The following ZBBX variants were observed in gnomAD, a reference collection of about 807,000 sequenced individuals.
ZBBX encodes the protein zinc finger B-box domain containing, also known as zinc finger B-box domain-containing protein 1.
A neutral mutation model predicts 108.5 loss-of-function variants in ZBBX; 101 were observed. The ratio of observed to expected loss-of-function variants is 0.93; its 90% CI spans 0.79 to 1.10. The LOEUF (loss-of-function observed/expected upper bound fraction) is 1.10. Ranked by LOEUF, ZBBX falls within the 50% of genes least tolerant of loss-of-function variation. The pLI is 0.00. For synonymous variants in ZBBX, 356 were observed against 323.4 expected, an observed-to-expected ratio of 1.10 and a Z score of -1.08; for missense variants, 1,009 against 941.4, an observed-to-expected ratio of 1.07 and a Z score of -0.94.
the ZBBX span, among the ~76,000 whole-genome samples, chr3:167,189,614 A>C: frequency 6.6e-6 from 1 of 152,152 alleles, no homozygotes; most frequent in Non-Finnish European, 1.5e-5. Context: ...CTTCATACAG[A>C]CGTATACATT....
chr3:167,389,518 G>A lies in ZBBX; in HGVS notation c.-445-9113C>T, dbSNP rs984854785. On this transcript the variant is annotated intron_variant, in intron 1 of 21. Transcript: ENST00000455345. ...CAGTAATGGGATTGCTGGGTCAAAC[G>A]GTATTTCTGATTCTAGATCCTTGAG... is the stretch of plus-strand genomic sequence containing the variant. Among the ~76,000 whole-genome samples, 6 of 152,044 alleles carry A rather than the reference G, an allele frequency of 3.9e-5. No individual in the cohort carries two copies. The East Asian group carries it at 5.8e-4, about 15-fold the overall frequency.
the ZBBX span, among the ~76,000 whole-genome samples, chr3:167,205,527 G>A: frequency 1.3e-5 from 2 of 152,110 alleles, no homozygotes; most frequent in African/African-American, 4.8e-5. Context: ...TGACTTTATA[G>A]AATTACTGAA....
rs1234466711 is a variant in ZBBX, at chr3:167,341,206, G to C, written c.529-7221C>G. Among the ~76,000 whole-genome samples the C allele has an allele frequency of 2.0e-5, 3 of 151,688 alleles. No individual in the cohort carries two copies. The East Asian group carries it at 5.8e-4, about 29-fold the overall frequency. ...TATTATTATTCCTCCTTGACCCATA[G>C]AGTGGCAAAAAAAGCAAAGACCTGG... On this transcript the variant is annotated intron_variant, in intron 9 of 21. Transcript: ENST00000675490.
the ZBBX span, among the ~76,000 whole-genome samples, chr3:167,200,556 C>T: frequency 1.3e-5 from 2 of 152,174 alleles, no homozygotes; most frequent in Admixed American, 6.6e-5. Flanking sequence ...ACTGCATACG[C>T]ATCTGGATCA....
intron 1 of ZBBX, among the ~76,000 whole-genome samples, chr3:167,393,210 T>C (rs1748130908): frequency 6.6e-6 from 1 of 151,818 alleles, no homozygotes; most frequent in African/African-American, 2.4e-5. Flanking sequence ...ACCAGTGAAA[T>C]TTGAGTGACA....
At chr3:167,280,616 G>A (rs1264692735) in intron 20 of ZBBX, among the ~76,000 whole-genome samples, 1 of 150,960 alleles carries the variant, frequency 6.6e-6, no homozygotes, top group Non-Finnish European at 1.5e-5. Context: ...AGGTGCTAGA[G>A]AGGATGTGGA....
At chr3:167,366,159 C>T (rs970617879) in intron 5 of ZBBX, among the ~76,000 whole-genome samples, 183 bp from the exon 6 acceptor site, 3 of 151,710 alleles carry the variant, frequency 2.0e-5, no homozygotes, top group African/African-American at 7.2e-5. Context: ...TAAAATGTAG[C>T]TTTATCATAT....
intron 16 of ZBBX, 136 bp from the exon 17 acceptor site, chr3:167,306,086 T>C: frequency 1.6e-6 from 1 of 639,014 alleles, no homozygotes; most frequent in Non-Finnish European, 2.5e-6. Flanking sequence ...ACTGATGTTT[T>C]AGTGTTAAAA....
chr3:167,311,088 G>A (rs1734505906), intron 16 of ZBBX, among the ~76,000 whole-genome samples: 1 of 151,998 alleles, frequency 6.6e-6, no homozygotes, highest in East Asian at 1.9e-4. Context: ...GAGAGTGTGT[G>A]GTATTGGAAT....
intron 20 of ZBBX, among the ~76,000 whole-genome samples, chr3:167,246,016 T>C (rs1490700411): frequency 2.0e-5 from 3 of 152,102 alleles, no homozygotes; most frequent in Non-Finnish European, 2.9e-5. Context: ...TGCTATACAT[T>C]TGGGGGAGAC....
At chr3:167,198,412 T>A in the ZBBX span, among the ~76,000 whole-genome samples, 1 of 152,174 alleles carries the variant, frequency 6.6e-6, no homozygotes, top group South Asian at 2.1e-4. Context: ...ATTTGTAAAA[T>A]TCTTGAAACA....
chr3:167,297,758 A>G (rs956064118), intron 18 of ZBBX, among the ~76,000 whole-genome samples: 1 of 152,036 alleles, frequency 6.6e-6, no homozygotes, highest in South Asian at 2.1e-4. Flanking sequence ...AGTATATACA[A>G]ATTACTTATT....
At chr3:167,316,613 A>C (rs995529801) in intron 14 of ZBBX, among the ~76,000 whole-genome samples, 6 of 152,232 alleles carry the variant, frequency 3.9e-5, no homozygotes, top group African/African-American at 1.4e-4. Flanking sequence ...ATTAAATGAC[A>C]TTCAAGAAAC....
intron 1 of ZBBX, among the ~76,000 whole-genome samples, chr3:167,400,696 G>A (rs1368836088): frequency 6.6e-6 from 1 of 151,988 alleles, no homozygotes; most frequent in Non-Finnish European, 1.5e-5. Context: ...AGGTCCTGAC[G>A]ACACATGCAC....
At chr3:167,335,630 C>T (rs935523937) in intron 9 of ZBBX, among the ~76,000 whole-genome samples, 3 of 150,952 alleles carry the variant, frequency 2.0e-5, no homozygotes, top group African/African-American at 7.3e-5. Context: ...TTTAAATTTT[C>T]ATCTAGTTGC....
At chr3:167,238,327 T>C (rs959345320), downstream of ZBBX, among the ~76,000 whole-genome samples, 4 of 152,030 alleles carry the variant, frequency 2.6e-5, no homozygotes, top group Non-Finnish European at 5.9e-5. Context: ...GTAATAATTG[T>C]GGAGGAGTCA....
the ZBBX span, among the ~76,000 whole-genome samples, chr3:167,204,061 G>T: frequency 6.6e-6 from 1 of 152,114 alleles, no homozygotes; most frequent in East Asian, 1.9e-4. Flanking sequence ...ACTGAATTTA[G>T]TTCAAGGAAT....
chr3:167,188,657 T>C, the ZBBX span, among the ~76,000 whole-genome samples: 3 of 152,362 alleles, frequency 2.0e-5, no homozygotes, highest in South Asian at 6.2e-4. Flanking sequence ...CTTTTCCTTT[T>C]GCTGACTTCA....
chr3:167,277,887 A>G (rs1727940056), intron 20 of ZBBX, among the ~76,000 whole-genome samples: 2 of 152,008 alleles, frequency 1.3e-5, no homozygotes, highest in South Asian at 2.1e-4. Flanking sequence ...AACAGAAATT[A>G]TAACAAACTA....
Sources: allele counts gnomAD v4.1 joint callset (sites outside exome capture counted in the v4.1 genomes callset), GRCh38; gene constraint gnomAD v4.1.1; transcripts MANE v1.5; gene names NCBI Gene and HGNC (gene_info 2026-07-23, HGNC 2026-07-21).